Variants in MAB21L1 observed in about 807,000 individuals in gnomAD.
MAB21L1 encodes mab-21 like 1, also known as putative nucleotidyltransferase MAB21L1.
Under a neutral mutation model 28.9 loss-of-function variants are expected in MAB21L1, and 8 were observed. That is an observed-to-expected ratio of 0.28 (90% CI 0.16 to 0.50). The LOEUF (loss-of-function observed/expected upper bound fraction) is 0.50, where lower values mean the gene tolerates loss of function less well. Ranked by LOEUF, MAB21L1 falls within the 20% of genes least tolerant of loss-of-function variation. The pLI, the probability that MAB21L1 is intolerant of heterozygous loss-of-function variation, is 0.98. For synonymous variants in MAB21L1, 219 were observed against 198.2 expected (o/e 1.10, Z -0.88); for missense variants, 388 against 466.5 (o/e 0.83, Z 1.55).
Position 35,474,066 on chromosome 13 carries a change from C to G in MAB21L1, c.*993G>C, listed in dbSNP as rs954102288. On this transcript the variant is annotated 3_prime_UTR_variant, in exon 1 of 1. Coordinates refer to ENST00000379919, the MANE Select transcript of MAB21L1 (RefSeq NM_005584.5). ...ATCTTATGGACCTATACAGAAAGAG[C>G]TTTTCTCCAATGTTTTATTTTTAAG... The G allele has an allele frequency of 6.6e-6, 1 of 152,062 alleles. No individual in the cohort carries two copies. Among genetic ancestry groups the G allele is most frequent in the Non-Finnish European group, 1.5e-5 (1 of 67,966 alleles). 9.4% of individuals were successfully genotyped at this position (152,062 alleles called of 1,614,324 possible).
Position 35,475,577 on chromosome 13 carries a change from G to T in MAB21L1, c.562C>A (p.Pro188Thr). The change falls in exon 1 of 1, where the codon CCA becomes ACA. Residue 188 changes from proline (P) to threonine (T), a missense_variant. Transcript: ENST00000379919. The part of the protein sequence containing the change: ...GIWPRSAAHW[P>T]LPHIPWPGPN... ...CCCGGCCAGGGGATGTGGGGAAGTG[G>T]CCAGTGGGCAGCACTCCTCGGCCAG... 6.2e-7 allele frequency: 1 copy of T among 1,613,504 alleles called. No individual in the cohort carries two copies. Among genetic ancestry groups the T allele is most frequent in the Non-Finnish European group, 8.5e-7 (1 of 1,179,940 alleles).
chr13:35,475,638 C>T lies in MAB21L1; in HGVS notation c.501G>A (p.Val167=). The T allele has an allele frequency of 6.2e-7, 1 of 1,613,874 alleles. No individual in the cohort carries two copies. The highest frequency in any genetic ancestry group is 8.5e-7 in the Non-Finnish European group (1 of 1,180,000). Residue 167 remains valine (V), a synonymous_variant, in exon 1 of 1, where the codon GTG becomes GTA. Coordinates refer to ENST00000379919, the MANE Select transcript of MAB21L1 (RefSeq NM_005584.5). ...EVKLRIRDRY[V]VQITPAFKCT... ...ATTTAAAGGCCGGCGTGATCTGCAC[C>T]ACGTACCTATCTCGGATTCTCAGTT...
rs142862986 is a variant in MAB21L1, at chr13:35,475,827, G to C, written c.312C>G (p.Asp104Glu). 1 of 1,613,876 alleles carries C rather than the reference G, an allele frequency of 6.2e-7. No individual in the cohort carries two copies. The highest frequency in any genetic ancestry group is 8.5e-7 in the Non-Finnish European group (1 of 1,180,044). ...AGAGGGACATGCTCCTCTTGCGCCC[G>C]TCGCTCAACTTCAGCACCGCGCAGC... ...LPGCAVLKLS[D>E]GRKRSMSLWV... Residue 104 changes from aspartate to glutamate, a missense_variant, in exon 1 of 1, where the codon GAC (aspartate) becomes GAG (glutamate). By Grantham distance (45) the Asp-to-Glu change is conservative. This residue lies in a region of MAB21L1 where 81 missense variants were observed against 153.7 expected (regional missense o/e 0.53). Coordinates refer to ENST00000379919, the MANE Select transcript of MAB21L1 (RefSeq NM_005584.5).
chr13:35,476,014 A>T lies in MAB21L1; in HGVS notation c.125T>A (p.Leu42Gln). The T allele has an allele frequency of 6.2e-7, 1 of 1,614,166 alleles. No individual in the cohort carries two copies. Among genetic ancestry groups the T allele is most frequent in the Non-Finnish European group, 8.5e-7 (1 of 1,180,028 alleles). ...CGGCTCCTGCACTTCCACTTCCTTC[A>T]GTACGTCGGAAACTACTTTGCAGAC... ...REVCKVVSDV[L>Q]KEVEVQEPRF... Residue 42 changes from leucine to glutamine, a missense_variant, in exon 1 of 1, where the codon CTG (leucine) becomes CAG (glutamine). Leu to Gln is a moderately radical substitution (Grantham distance 113). Around this residue, in one of 3 missense-constraint regions of MAB21L1, gnomAD observed 89 missense variants for 92.2 expected, o/e 0.97. Coordinates refer to ENST00000379919, the MANE Select transcript of MAB21L1 (RefSeq NM_005584.5).
chr13:35,476,446 TC>T lies in MAB21L1; in HGVS notation c.-309del. On this transcript the variant is annotated 5_prime_UTR_variant, in exon 1 of 1. The change abolishes the stop of an existing upstream ORF in the 5' untranslated region. Coordinates refer to ENST00000379919, the MANE Select transcript of MAB21L1 (RefSeq NM_005584.5). ...TTGTCTCTCTTCCTCTTTTAAAGAA[TC>T]CTTGTGTGAGAGAACCGCATGGAGA... 1.1e-6 allele frequency: 1 copy of T among 910,138 alleles called. No individual in the cohort carries two copies. Among genetic ancestry groups the T allele is most frequent in the Non-Finnish European group, 1.8e-6 (1 of 567,482 alleles). 56.4% of individuals were successfully genotyped at this position (910,138 alleles called of 1,614,324 possible).
chr13:35,476,253 A>G lies in MAB21L1; in HGVS notation c.-115T>C. ...GAGAAACGGGCCGCAACACTCAGAA[A>G]TGGATCAAAAATGCCTTTCGGAAGT... On this transcript the variant is annotated 5_prime_UTR_variant, in exon 1 of 1. Transcript: ENST00000379919. 1 of 1,531,040 alleles carries G rather than the reference A, an allele frequency of 6.5e-7. No individual in the cohort carries two copies. Among genetic ancestry groups the G allele is most frequent in the South Asian group, 1.1e-5 (1 of 88,440 alleles). 94.8% of individuals were successfully genotyped at this position (1,531,040 alleles called of 1,614,324 possible).
chr13:35,476,286 C>T lies in MAB21L1; in HGVS notation c.-148G>A. 1 of 1,253,268 alleles carries T rather than the reference C, an allele frequency of 8.0e-7. No individual in the cohort carries two copies. The highest frequency in any genetic ancestry group is 1.1e-6 in the Non-Finnish European group (1 of 884,690). The allele number at this position is 1,253,268 out of a possible 1,614,324, so 77.6% of individuals were successfully genotyped here. Reference sequence around the variant, plus strand: ...AAAATGCCTTTCGGAAGTGCTGCAGCGTTGGTTTCCCTGCTGCTGCTGCTG... The same window carrying T: ...AAAATGCCTTTCGGAAGTGCTGCAGTGTTGGTTTCCCTGCTGCTGCTGCTG... On this transcript the variant is annotated 5_prime_UTR_variant, in exon 1 of 1. Coordinates refer to ENST00000379919, the MANE Select transcript of MAB21L1 (RefSeq NM_005584.5).
Position 35,474,984 on chromosome 13 carries a change from G to A in MAB21L1, c.*75C>T. The A allele has an allele frequency of 6.9e-7, 1 of 1,457,494 alleles. No individual in the cohort carries two copies. The highest frequency in any genetic ancestry group is 9.3e-7 in the Non-Finnish European group (1 of 1,072,786). 90.3% of individuals were successfully genotyped at this position (1,457,494 alleles called of 1,614,324 possible). ...GTTTGCACTGCGGAGTGGAATATTA[G>A]GAATTGAACAGAAGTTTACACTTAA... is the stretch of plus-strand genomic sequence containing the variant. On this transcript the variant is annotated 3_prime_UTR_variant, in exon 1 of 1. Transcript: ENST00000379919.
chr13:35,474,334 TTATTA>T lies in MAB21L1; in HGVS notation c.*720_*724del, dbSNP rs879233608. 4 of 152,758 alleles carry T rather than the reference TTATTA, an allele frequency of 2.6e-5. No individual in the cohort carries two copies. The highest frequency in any genetic ancestry group is 5.9e-5 in the Non-Finnish European group (4 of 68,032). 9.5% of individuals were successfully genotyped at this position (152,758 alleles called of 1,614,324 possible). On this transcript the variant is annotated 3_prime_UTR_variant, in exon 1 of 1. Transcript: ENST00000379919. ...AATATATAATTCAGATATTCAAGCG[TTATTA>T]TATAAGCTGAATTCAAATTTCTTTG...
Position 35,475,703 on chromosome 13 carries a change from G to A in MAB21L1, c.436C>T (p.Arg146Trp), listed in dbSNP as rs1188069646. The part of the protein sequence containing the change: ...VAQAVDKCSY[R>W]DVVKMVADTS... ...TCTGCCACCATCTTTACCACATCCCGGTAGCTACATTTGTCTACCGCTTGA... is the reference window on the plus strand; with the variant it reads ...TCTGCCACCATCTTTACCACATCCCAGTAGCTACATTTGTCTACCGCTTGA... The change falls in exon 1 of 1, where the codon CGG becomes TGG. Residue 146 changes from arginine to tryptophan, a missense_variant. Physicochemically the swap from Arg to Trp is moderately radical, Grantham distance 101. Around this residue, in one of 3 missense-constraint regions of MAB21L1, gnomAD observed 81 missense variants for 153.7 expected, o/e 0.53. Transcript: ENST00000379919. 2.5e-6 allele frequency: 4 copies of A among 1,613,520 alleles called. No homozygotes were observed. Among genetic ancestry groups the A allele is most frequent in the African/African-American group, 1.3e-5 (1 of 74,740 alleles).
Position 35,474,989 on chromosome 13 carries a change from T to G in MAB21L1, c.*70A>C, listed in dbSNP as rs866917066. 10 of 1,488,898 alleles carry G rather than the reference T, an allele frequency of 6.7e-6. No homozygotes were observed. The South Asian group carries it at 1.1e-4, about 16-fold the overall frequency. 92.2% of individuals were successfully genotyped at this position (1,488,898 alleles called of 1,614,324 possible). A position where few individuals can be genotyped will look rare whatever the true frequency, so the allele number is the denominator to read the frequency against. ...CACTGCGGAGTGGAATATTAGGAAT[T>G]GAACAGAAGTTTACACTTAATAAGG... On this transcript the variant is annotated 3_prime_UTR_variant, in exon 1 of 1. Transcript: ENST00000379919.
Position 35,475,513 on chromosome 13 carries a change from T to C in MAB21L1, c.626A>G (p.Asn209Ser), listed in dbSNP as rs1334316078. The C allele has an allele frequency of 1.9e-6, 3 of 1,612,092 alleles. No individual in the cohort carries two copies. Among genetic ancestry groups the C allele is most frequent in the East Asian group, 2.2e-5 (1 of 44,772 alleles). ...GGAGTGGCACTCCTTGGACAAGAGA[T>C]TGAAACCTTCCGCCTTGACCTCCGC... ...RVAEVKAEGFNLLSKECHSLA... is the reference protein window; with the variant it reads ...RVAEVKAEGFSLLSKECHSLA... The change falls in exon 1 of 1, where the codon AAT becomes AGT. Residue 209 changes from asparagine (N) to serine (S), a missense_variant. Physicochemically the swap from Asn to Ser is conservative, Grantham distance 46. This residue lies in a region of MAB21L1 where 218 missense variants were observed against 220.6 expected (regional missense o/e 0.99). Transcript: ENST00000379919.
At position 35,475,671 on chromosome 13, in the gene MAB21L1, G is replaced by A. The variant is rs1280537146; in HGVS notation, c.468C>T (p.Ser156=). ...TATCTCGGATTCTCAGTTTCACTTC[G>A]CTGGTGTCTGCCACCATCTTTACCA... ...RDVVKMVADT[S]EVKLRIRDRY... The change falls in exon 1 of 1, where the codon AGC becomes AGT. Residue 156 remains serine (S), a synonymous_variant. Coordinates refer to ENST00000379919, the MANE Select transcript of MAB21L1 (RefSeq NM_005584.5). 7 of 1,613,592 alleles carry A rather than the reference G, an allele frequency of 4.3e-6. No homozygotes were observed. Among genetic ancestry groups the A allele is most frequent in the African/African-American group, 1.3e-5 (1 of 74,766 alleles).
At position 35,474,313 on chromosome 13, in the gene MAB21L1, T is replaced by C. The variant is rs905572834; in HGVS notation, c.*746A>G. 1 of 152,640 alleles carries C rather than the reference T, an allele frequency of 6.6e-6. No homozygotes were observed. The highest frequency in any genetic ancestry group is 1.9e-4 in the East Asian group (1 of 5,202). 9.5% of individuals were successfully genotyped at this position (152,640 alleles called of 1,614,324 possible). A position where few individuals can be genotyped will look rare whatever the true frequency, so the allele number is the denominator to read the frequency against. On this transcript the variant is annotated 3_prime_UTR_variant, in exon 1 of 1. Transcript: ENST00000379919. ...GTATTTCAAGTGCATTTTTCAAATA[T>C]ATAATTCAGATATTCAAGCGTTATT...
rs1594755770 is a variant in MAB21L1 at position 35,474,837 on chromosome 13, C to T, written c.*222G>A. 5.4e-6 allele frequency: 3 copies of T among 552,998 alleles called. No homozygotes were observed. In the East Asian group the frequency reaches 9.4e-5, roughly 17 times the overall value. The allele number at this position is 552,998 out of a possible 1,614,324, so 34.3% of individuals were successfully genotyped here. On this transcript the variant is annotated 3_prime_UTR_variant, in exon 1 of 1. Transcript: ENST00000379919. Reference sequence around the variant, plus strand: ...GATAGGAAATCGTGTGGAAAGAAGTCTTCTAATACTAGTGGCTTTGGGTTT... The same window carrying T: ...GATAGGAAATCGTGTGGAAAGAAGTTTTCTAATACTAGTGGCTTTGGGTTT...
rs2075813768 is a variant in MAB21L1, at chr13:35,475,321, T to C, written c.818A>G (p.His273Arg). 3.7e-6 allele frequency: 6 copies of C among 1,614,004 alleles called. 1 individual carries two copies. The highest frequency in any genetic ancestry group is 4.5e-5 in the East Asian group (2 of 44,836). ...CTCGTAGGAAACCAGAGTCTTCATA[T>C]GGTAATTGTTCAAGGGCTGGCCCGG... is the stretch of plus-strand genomic sequence containing the variant. ...ELPGQPLNNY[H>R]MKTLVSYECE... Residue 273 changes from histidine (H) to arginine (R), a missense_variant, in exon 1 of 1, where the codon CAT becomes CGT. Transcript: ENST00000379919.
Position 35,475,440 on chromosome 13 carries a change from C to A in MAB21L1, c.699G>T (p.Gln233His). 1 of 1,613,454 alleles carries A rather than the reference C, an allele frequency of 6.2e-7. No individual in the cohort carries two copies. Among genetic ancestry groups the A allele is most frequent in the East Asian group, 2.2e-5 (1 of 44,778 alleles). The change falls in exon 1 of 1, where the codon CAG becomes CAT. Residue 233 changes from glutamine (Q) to histidine (H), a missense_variant. Physicochemically the swap from Gln to His is conservative, Grantham distance 24 (BLOSUM62 0). Coordinates refer to ENST00000379919, the MANE Select transcript of MAB21L1 (RefSeq NM_005584.5). ...GCAGTCTGTTCTCTGCCTCCGCGAA[C>A]TGCAGCACCCAGGCGTCGCTCTCCG... The part of the protein sequence containing the change: ...SSAESDAWVL[Q>H]FAEAENRLQM...
chr13:35,476,100 A>T lies in MAB21L1; in HGVS notation c.39T>A (p.Asn13Lys). ...CTTGGCATTTTTCGTTGTAGTATTT[A>T]TTCAGATGGTAGACCAGCTTGGCCT... is the stretch of plus-strand genomic sequence containing the variant. ...AAQAKLVYHL[N>K]KYYNEKCQAR... is the part of the protein sequence containing the mutation. The change falls in exon 1 of 1, where the codon AAT (asparagine) becomes AAA (lysine). Residue 13 changes from asparagine (N) to lysine (K), a missense_variant. Coordinates refer to ENST00000379919, the MANE Select transcript of MAB21L1 (RefSeq NM_005584.5). The T allele has an allele frequency of 6.2e-7, 1 of 1,614,182 alleles. No homozygotes were observed. The highest frequency in any genetic ancestry group is 1.1e-5 in the South Asian group (1 of 91,088).
rs1426481477 is a variant in MAB21L1, at chr13:35,476,202, T to TG, written c.-65dup. ...AGTAAGCTGTGGGATCCAATGCGGC[T>TG]GCTAGAGCTGGAGCCAACTTCGGTG... On this transcript the variant is annotated 5_prime_UTR_variant, in exon 1 of 1. Coordinates refer to ENST00000379919, the MANE Select transcript of MAB21L1 (RefSeq NM_005584.5). The TG allele has an allele frequency of 6.2e-7, 1 of 1,610,312 alleles. No homozygotes were observed.
Sources: allele counts gnomAD v4.1 joint callset, GRCh38; gene constraint gnomAD v4.1.1; regional missense constraint gnomAD v4.1.1; transcripts MANE v1.5; gene names NCBI Gene and HGNC (gene_info 2026-07-23, HGNC 2026-07-21).